The following ZNF618 variants were observed in gnomAD, a reference collection of about 807,000 sequenced individuals.
ZNF618 encodes the protein zinc finger protein 618.
A neutral mutation model predicts 103.0 loss-of-function variants in ZNF618; 34 were observed. The observed-to-expected ratio is 0.33, with a 90% CI of 0.25 to 0.44. The LOEUF is 0.44. ZNF618 is among the 20% of genes least tolerant of loss of function. The pLI is 1.00. For synonymous variants in ZNF618, 551 were observed against 542.2 expected (o/e 1.02, Z -0.23); for missense variants, 1,059 against 1,295.4 (o/e 0.82, Z 2.80).
chr9:113,945,180 A>G (rs1249852704), intron 1 of ZNF618, among the ~76,000 whole-genome samples: 7 of 151,976 alleles, frequency 4.6e-5, no homozygotes, highest in Non-Finnish European at 1.0e-4. Flanking sequence ...CTGAGCCCTC[A>G]CACATGCTGT....
At chr9:113,971,800 G>A (rs1275748879) in intron 2 of ZNF618, among the ~76,000 whole-genome samples, 3 of 152,154 alleles carry the variant, frequency 2.0e-5, no homozygotes, top group Non-Finnish European at 4.4e-5. Context: ...AGTCAGAGGA[G>A]GGGTAGGGTG....
chr9:113,945,246 A>G (rs1202585427), intron 1 of ZNF618, among the ~76,000 whole-genome samples: 1 of 152,172 alleles, frequency 6.6e-6, no homozygotes, highest in Non-Finnish European at 1.5e-5. Context: ...GGTTTAAGCC[A>G]AACCATGTTT....
At chr9:113,906,824 G>A (rs1228021254) in intron 1 of ZNF618, among the ~76,000 whole-genome samples, 2 of 152,196 alleles carry the variant, frequency 1.3e-5, no homozygotes, top group African/African-American at 4.8e-5. Context: ...GACGTGTATT[G>A]GCATGCCTAC....
chr9:114,050,004 C>A lies in ZNF618; in HGVS notation c.2702C>A (p.Thr901Lys). Reference protein sequence around the residue: ...QYWSCVTQKHTKLAKLAFWLL... With the variant: ...QYWSCVTQKHKKLAKLAFWLL... ...TGGTCGTGCGTTACCCAAAAGCACA[C>A]AAAACTCGCCAAGCTCGCCTTCTGG... Residue 901 changes from threonine (T) to lysine (K), a missense_variant, in exon 15 of 15, where the codon ACA (threonine) becomes AAA (lysine). By Grantham distance (78) the Thr-to-Lys change is moderately conservative (BLOSUM62 -1). Transcript: ENST00000374126. The A allele has an allele frequency of 6.2e-7, 1 of 1,613,962 alleles. No individual in the cohort carries two copies.
chr9:113,925,277 C>T (rs1242768280), intron 1 of ZNF618, among the ~76,000 whole-genome samples: 2 of 151,936 alleles, frequency 1.3e-5, no homozygotes, highest in Non-Finnish European at 2.9e-5. Context: ...GATAATTTTC[C>T]TTGCTCTGAC....
chr9:113,930,152 C>T (rs537837862), intron 1 of ZNF618, among the ~76,000 whole-genome samples: 105 of 152,228 alleles, frequency 6.9e-4, no homozygotes, highest in Non-Finnish European at 1.3e-3. Flanking sequence ...GTTCTGAAGC[C>T]AAAACATGGG....
intron 2 of ZNF618, among the ~76,000 whole-genome samples, chr9:113,987,972 C>T (rs1271707304): frequency 5.9e-5 from 9 of 152,172 alleles, no homozygotes. Context: ...TGGAGGTGCC[C>T]TTTTAGGTCA....
chr9:113,939,147 A>G (rs77867090), intron 1 of ZNF618, among the ~76,000 whole-genome samples: 10,989 of 152,132 alleles, frequency 0.072, 498 homozygotes, highest in African/African-American at 0.12. Flanking sequence ...GATATTGGGC[A>G]TTCTTGGTTA....
chr9:113,948,077 GAGCAGCCTC>G (rs1321939818), intron 1 of ZNF618, among the ~76,000 whole-genome samples: 2 of 152,174 alleles, frequency 1.3e-5, no homozygotes, highest in African/African-American at 4.8e-5. Flanking sequence ...TCTGGGAACA[GAGCAGCCTC>G]CCCCGCCCTC....
At position 114,002,545 on chromosome 9, in the gene ZNF618, T is replaced by A. The variant is rs1251053604; in HGVS notation, c.512-79T>A. The A allele has an allele frequency of 2.0e-6, 3 of 1,489,216 alleles. No homozygotes were observed. In the East Asian group the frequency reaches 6.8e-5, roughly 34 times the overall value. 92.3% of individuals were successfully genotyped at this position (1,489,216 alleles called of 1,614,324 possible). ...GTGAGCTCTTCCCCTGTGGCTTCCA[T>A]GTTCTCTTTTGCACTTGGCACTGGC... On this transcript the variant is annotated intron_variant, in intron 5 of 14. Coordinates refer to ENST00000374126, the MANE Select transcript of ZNF618 (RefSeq NM_001318042.2).
rs1020132508 is a variant in ZNF618, at chr9:114,008,218, G to A, written c.641-126G>A. On this transcript the variant is annotated intron_variant, in intron 7 of 14. Transcript: ENST00000374126. Reference sequence around the variant, plus strand: ...CCACAGTGGCCACGGCAGCCCTCCTGGGCCCCAAGGCAAACCCATGGGGAT... The same window carrying A: ...CCACAGTGGCCACGGCAGCCCTCCTAGGCCCCAAGGCAAACCCATGGGGAT... 7 of 1,354,670 alleles carry A rather than the reference G, an allele frequency of 5.2e-6. No homozygotes were observed. The African/African-American group carries it at 7.2e-5, about 14-fold the overall frequency. The allele number at this position is 1,354,670 out of a possible 1,614,324, so 83.9% of individuals were successfully genotyped here. A position where few individuals can be genotyped will look rare whatever the true frequency, so the allele number is the denominator to read the frequency against.
At chr9:113,922,394 C>G (rs75588796) in intron 1 of ZNF618, among the ~76,000 whole-genome samples, 3 of 151,758 alleles carry the variant, frequency 2.0e-5, no homozygotes, top group Non-Finnish European at 4.4e-5. Context: ...TACCTTCTAT[C>G]CAAAGAAAGT....
At chr9:114,045,644 G>C (rs548136348) in intron 13 of ZNF618, among the ~76,000 whole-genome samples, 1 of 152,118 alleles carries the variant, frequency 6.6e-6, no homozygotes, top group East Asian at 1.9e-4. Flanking sequence ...TGGAAATCAG[G>C]AAGTATATTC....
chr9:113,972,658 A>G (rs1335980025), intron 2 of ZNF618, among the ~76,000 whole-genome samples: 2 of 152,246 alleles, frequency 1.3e-5, no homozygotes, highest in African/African-American at 4.8e-5. Context: ...AGGAGCTCAC[A>G]GGCAAGTTTA....
chr9:113,969,139 G>C lies in ZNF618; in HGVS notation c.56G>C (p.Gly19Ala). 6.2e-7 allele frequency: 1 copy of C among 1,613,968 alleles called. No individual in the cohort carries two copies. Among genetic ancestry groups the C allele is most frequent in the Non-Finnish European group, 8.5e-7 (1 of 1,179,878 alleles). Residue 19 changes from glycine (G) to alanine (A), a missense_variant, in exon 2 of 15, where the codon GGA (glycine) becomes GCA (alanine). This residue lies in a region of ZNF618 where 194 missense variants were observed against 209.0 expected (regional missense o/e 0.93). Transcript: ENST00000374126. ...CAGGCTGACGGAGCCAGTGCAGCCG[G>C]AAGGAAAAGCACTGCGAGCAGGTAC... ...APQADGASAA[G>A]RKSTASRERL...
intron 2 of ZNF618, among the ~76,000 whole-genome samples, chr9:113,971,646 AC>A (rs1391994239): frequency 3.9e-5 from 6 of 152,102 alleles, no homozygotes; most frequent in African/African-American, 1.4e-4. Context: ...TCTCTCCTAC[AC>A]GAGTATCTCT....
At chr9:113,999,514 G>A (rs1840972271) in intron 4 of ZNF618, among the ~76,000 whole-genome samples, 3 of 152,204 alleles carry the variant, frequency 2.0e-5, no homozygotes, top group Admixed American at 6.5e-5. Context: ...GCCGAGGAGA[G>A]GCTGAGGAGC....
At chr9:114,017,258 G>A (rs1451534679) in intron 10 of ZNF618, among the ~76,000 whole-genome samples, 1 of 152,148 alleles carries the variant, frequency 6.6e-6, no homozygotes, top group Non-Finnish European at 1.5e-5. Flanking sequence ...CTAAGGAGGT[G>A]GCAGGAACCC....
chr9:113,877,001 TGAAAA>T (rs1828018474), intron 1 of ZNF618, among the ~76,000 whole-genome samples: 1 of 152,070 alleles, frequency 6.6e-6, no homozygotes, highest in Non-Finnish European at 1.5e-5. Flanking sequence ...AAATTAAAAT[TGAAAA>T]GAAATATTTT....
Sources: allele counts gnomAD v4.1 joint callset (sites outside exome capture counted in the v4.1 genomes callset), GRCh38; gene constraint gnomAD v4.1.1; regional missense constraint gnomAD v4.1.1; transcripts MANE v1.5; gene names NCBI Gene and HGNC (gene_info 2026-07-23, HGNC 2026-07-21).